Variants in SCARA5 observed in about 807,000 individuals in gnomAD.
The protein encoded by SCARA5 is scavenger receptor class A member 5.
A neutral mutation model predicts 46.3 loss-of-function variants in SCARA5; 45 were observed. That is an observed-to-expected ratio of 0.97 (90% CI 0.76 to 1.24). The LOEUF (loss-of-function observed/expected upper bound fraction) is 1.24. Among genes scored for constraint, SCARA5 ranks in the 50% most tolerant of loss-of-function variants. The pLI is 0.00. For synonymous variants in SCARA5, 333 were observed against 306.5 expected, an observed-to-expected ratio of 1.09 and a Z score of -0.90; for missense variants, 680 against 689.0, an observed-to-expected ratio of 0.99 and a Z score of 0.15.
At chr8:27,988,288 G>A (rs1808735170) in intron 1 of SCARA5, among the ~76,000 whole-genome samples, 1 of 152,162 alleles carries the variant, frequency 6.6e-6, no homozygotes, top group African/African-American at 2.4e-5. Flanking sequence ...TAAGCATCTG[G>A]ACAGCTTTAG....
intron 3 of SCARA5, among the ~76,000 whole-genome samples, chr8:27,928,097 A>G (rs990244769): frequency 6.6e-6 from 1 of 152,210 alleles, no homozygotes. Context: ...TGCACATCCC[A>G]GAAGAGAATT....
At chr8:27,969,187 GTGGC>G (rs949272767) in intron 2 of SCARA5, among the ~76,000 whole-genome samples, 32 of 152,106 alleles carry the variant, frequency 2.1e-4, no homozygotes, top group Non-Finnish European at 4.4e-4. Context: ...TTTTTTCCAA[GTGGC>G]AGAAGCATGT....
rs17058213 is a variant in SCARA5 at position 27,910,741 on chromosome 8, T to G, written c.917-998A>C. Reference sequence around the variant, plus strand: ...TGCTTAGGAAGTAGAAGAGACTGACTTTGGTGAAAGTTGGGGAGGAAGAGG... The same window carrying G: ...TGCTTAGGAAGTAGAAGAGACTGACGTTGGTGAAAGTTGGGGAGGAAGAGG... On this transcript the variant is annotated intron_variant, in intron 4 of 8. Transcript: ENST00000354914. Among the ~76,000 whole-genome samples, 1,015 of 152,276 alleles carry G rather than the reference T, an allele frequency of 6.7e-3. 12 individuals carry two copies. The highest frequency in any genetic ancestry group is 0.023 in the African/African-American group (961 of 41,558).
At chr8:27,897,683 A>T (rs1228001964) in intron 7 of SCARA5, among the ~76,000 whole-genome samples, 1 of 54,880 alleles carries the variant, frequency 1.8e-5, no homozygotes, top group East Asian at 4.9e-4. Context: ...AGCAGGCAAC[A>T]CACATAAGAA....
chr8:27,932,459 C>T (rs905258817), intron 3 of SCARA5, among the ~76,000 whole-genome samples: 4 of 152,176 alleles, frequency 2.6e-5, no homozygotes, highest in South Asian at 2.1e-4. Flanking sequence ...TACCACAGAC[C>T]GGGTGGCTTA....
At chr8:27,911,773 C>T (rs939605347) in intron 4 of SCARA5, among the ~76,000 whole-genome samples, 2 of 152,188 alleles carry the variant, frequency 1.3e-5, no homozygotes, top group African/African-American at 2.4e-5. Context: ...CTTAAATTCA[C>T]GTCTACCAGG....
At position 27,921,771 on chromosome 8, in the gene SCARA5, G is replaced by A; in HGVS notation, c.716C>T (p.Ala239Val). Residue 239 changes from alanine (A) to valine (V), a missense_variant, in exon 4 of 9, where the codon GCC becomes GTC. Physicochemically the swap from Ala to Val is moderately conservative, Grantham distance 64. Coordinates refer to ENST00000354914, the MANE Select transcript of SCARA5 (RefSeq NM_173833.6). ...GTCCTGCAGCCGCGTGCGGTGGAGG[G>A]CCACGTCGTAGGACAGGCTGTGGTT... ...GLNHSLSYDV[A>V]LHRTRLQDLR... 2 of 1,576,350 alleles carry A rather than the reference G, an allele frequency of 1.3e-6. No individual in the cohort carries two copies. Among genetic ancestry groups the A allele is most frequent in the Non-Finnish European group, 1.7e-6 (2 of 1,165,048 alleles).
intron 3 of SCARA5, among the ~76,000 whole-genome samples, chr8:27,955,175 T>C (rs1457190612): frequency 3.9e-5 from 6 of 152,144 alleles, no homozygotes; most frequent in Admixed American, 3.3e-4. Flanking sequence ...TGACCAGTGT[T>C]ACTGGCACCC....
intron 3 of SCARA5, among the ~76,000 whole-genome samples, chr8:27,941,984 A>G (rs1470705444): frequency 1.3e-5 from 2 of 151,152 alleles, no homozygotes; most frequent in African/African-American, 4.9e-5. Context: ...GCACCTTCAC[A>G]CTCTGCTAAT....
At chr8:27,894,659 CAG>C (rs2129715760) in intron 7 of SCARA5, among the ~76,000 whole-genome samples, 1 of 152,316 alleles carries the variant, frequency 6.6e-6, no homozygotes, top group African/African-American at 2.4e-5. Context: ...GTGAGTAAGG[CAG>C]AGAGATGTCA....
rs918175743 is a variant in SCARA5, at chr8:27,921,893, C to A, written c.594G>T (p.Leu198=). ...LQVESNSSQL[L]LRRHAGLLDG... ...CCAGCAGGCCCGCGTGGCGCCTCAG[C>A]AGCAGCTGGCTACTGTTGCTCTCCA... Residue 198 remains leucine (L), a synonymous_variant, in exon 4 of 9, where the codon CTG becomes CTT. Coordinates refer to ENST00000354914, the MANE Select transcript of SCARA5 (RefSeq NM_173833.6). 6.7e-7 allele frequency: 1 copy of A among 1,502,736 alleles called. No individual in the cohort carries two copies. Among genetic ancestry groups the A allele is most frequent in the Non-Finnish European group, 8.8e-7 (1 of 1,133,866 alleles). 93.1% of individuals were successfully genotyped at this position (1,502,736 alleles called of 1,614,324 possible).
At chr8:27,970,539 T>C (rs748835306) in intron 2 of SCARA5, among the ~76,000 whole-genome samples, 1 of 152,182 alleles carries the variant, frequency 6.6e-6, no homozygotes, top group Non-Finnish European at 1.5e-5. Context: ...AAAATTTGCA[T>C]ATAATTAAAA....
At chr8:27,984,971 C>T (rs1295133955) in intron 2 of SCARA5, among the ~76,000 whole-genome samples, 1 of 152,150 alleles carries the variant, frequency 6.6e-6, no homozygotes, top group South Asian at 2.1e-4. Context: ...ATTCATTCAT[C>T]CATCCATCTA....
intron 3 of SCARA5, among the ~76,000 whole-genome samples, chr8:27,960,487 A>G (rs1320738014): frequency 6.6e-6 from 1 of 152,156 alleles, no homozygotes; most frequent in Admixed American, 6.5e-5. Flanking sequence ...CTGAGTACTT[A>G]CGTGCCAGGC....
intron 5 of SCARA5, among the ~76,000 whole-genome samples, chr8:27,908,007 G>A (rs771708066): frequency 6.6e-6 from 1 of 152,052 alleles, no homozygotes. Flanking sequence ...TGAGCCAATC[G>A]GAGCTCAGAG....
chr8:27,925,766 A>AC (rs1256625566), intron 3 of SCARA5, among the ~76,000 whole-genome samples: 1 of 152,106 alleles, frequency 6.6e-6, no homozygotes, highest in African/African-American at 2.4e-5. Context: ...AAAACAAACC[A>AC]CCCCATCAAA....
intron 3 of SCARA5, among the ~76,000 whole-genome samples, chr8:27,961,031 T>G (rs1431239598): frequency 6.6e-6 from 1 of 152,198 alleles, no homozygotes; most frequent in Non-Finnish European, 1.5e-5. Context: ...TTACAGAGCC[T>G]TCACAGATAA....
chr8:27,874,649 A>C (rs2129655136), intron 8 of SCARA5, among the ~76,000 whole-genome samples: 1 of 152,374 alleles, frequency 6.6e-6, no homozygotes, highest in Admixed American at 6.5e-5. Context: ...TGACCCTTGC[A>C]CTAAAGCTGT....
chr8:27,876,858 G>A (rs1306113512), intron 8 of SCARA5, among the ~76,000 whole-genome samples: 1 of 152,142 alleles, frequency 6.6e-6, no homozygotes, highest in Non-Finnish European at 1.5e-5. Context: ...AGAGGGACCT[G>A]GGAGGCTCCT....
Sources: allele counts gnomAD v4.1 joint callset (sites outside exome capture counted in the v4.1 genomes callset), GRCh38; gene constraint gnomAD v4.1.1; transcripts MANE v1.5; gene names NCBI Gene and HGNC (gene_info 2026-07-23, HGNC 2026-07-21).